The following C1orf21 variants were observed in gnomAD, a reference collection of about 807,000 sequenced individuals.
C1orf21 encodes the protein uncharacterized protein C1orf21.
A neutral mutation model predicts 18.7 loss-of-function variants in C1orf21; 3 were observed. That is an observed-to-expected ratio of 0.16 (90% CI 0.07 to 0.42). The LOEUF (loss-of-function observed/expected upper bound fraction) is 0.42, where lower values mean the gene tolerates loss of function less well. Ranked by LOEUF, C1orf21 falls within the 10% of genes least tolerant of loss-of-function variation. The probability of loss-of-function intolerance (pLI) is 0.99; values close to 1 mark genes in which losing one functional copy is unlikely to be tolerated. For missense variants in C1orf21, 104 were observed against 143.6 expected (o/e 0.72, Z 1.41); for synonymous variants, 41 against 46.4 (o/e 0.88, Z 0.47).
chr1:184,592,630 A>C (rs1162219149), intron 4 of C1orf21, among the ~76,000 whole-genome samples: 1 of 152,224 alleles, frequency 6.6e-6, no homozygotes, highest in Non-Finnish European at 1.5e-5. Context: ...CAGGCACCCC[A>C]ACCCAAAATA....
chr1:184,571,862 C>T (rs1659118197), intron 3 of C1orf21, among the ~76,000 whole-genome samples: 1 of 152,090 alleles, frequency 6.6e-6, no homozygotes, highest in Non-Finnish European at 1.5e-5. Flanking sequence ...TTTCTATCCC[C>T]TCTTGACCAG....
rs562780115 is a variant in C1orf21, at chr1:184,467,532, G to A, written c.-124-9854G>A. ...GCTCAGGGCTGCCTTTGCAGGTGCT[G>A]TACAGGGAGCATGTACTTCTGCTGC... On this transcript the variant is annotated intron_variant, in intron 1 of 5. Coordinates refer to ENST00000235307, the MANE Select transcript of C1orf21 (RefSeq NM_030806.4). 6.6e-5 allele frequency among the ~76,000 whole-genome samples: 10 copies of A among 152,298 alleles called. No homozygotes were observed. In the South Asian group the frequency reaches 2.1e-3, roughly 32 times the overall value.
At chr1:184,491,949 G>C (rs141696328) in intron 2 of C1orf21, among the ~76,000 whole-genome samples, 13 of 152,236 alleles carry the variant, frequency 8.5e-5, no homozygotes, top group Non-Finnish European at 1.3e-4. Flanking sequence ...CTTAGGAAGA[G>C]AAGGAATCAG....
chr1:184,434,084 T>G (rs1342419190), intron 1 of C1orf21, among the ~76,000 whole-genome samples: 2 of 152,144 alleles, frequency 1.3e-5, no homozygotes. Flanking sequence ...TTTTCCAGAC[T>G]CTGGACCCGT....
At chr1:184,404,047 C>A (rs1400879570) in intron 1 of C1orf21, among the ~76,000 whole-genome samples, 2 of 152,152 alleles carry the variant, frequency 1.3e-5, no homozygotes, top group African/African-American at 4.8e-5. Flanking sequence ...CCAGATATAG[C>A]ACCTACATTA....
chr1:184,528,886 C>T (rs1476433185), intron 3 of C1orf21, among the ~76,000 whole-genome samples: 2 of 152,198 alleles, frequency 1.3e-5, no homozygotes, highest in African/African-American at 4.8e-5. Context: ...TTCCCAAATA[C>T]AGCCATTCTC....
chr1:184,586,433 G>A (rs145411716), intron 3 of C1orf21, among the ~76,000 whole-genome samples: 9,291 of 151,688 alleles, frequency 0.061, 393 homozygotes, highest in African/African-American at 0.11. Context: ...ACAGGCGCCC[G>A]CCACCTCGCC....
chr1:184,406,984 T>C (rs1231948938), intron 1 of C1orf21, among the ~76,000 whole-genome samples: 2 of 152,060 alleles, frequency 1.3e-5, no homozygotes, highest in Non-Finnish European at 2.9e-5. Flanking sequence ...TTTGTTTTTC[T>C]AGAGACCGAG....
intron 3 of C1orf21, among the ~76,000 whole-genome samples, chr1:184,545,526 G>T (rs1031772197): frequency 6.6e-6 from 1 of 151,982 alleles, no homozygotes; most frequent in Non-Finnish European, 1.5e-5. Context: ...ACCTAAGTCT[G>T]TACCGATGCT....
At chr1:184,525,235 TAC>T (rs1418205243) in intron 3 of C1orf21, among the ~76,000 whole-genome samples, 1 of 152,110 alleles carries the variant, frequency 6.6e-6, no homozygotes, top group Non-Finnish European at 1.5e-5. Context: ...ATTATTCTCA[TAC>T]CATTGGTTTC....
intron 3 of C1orf21, among the ~76,000 whole-genome samples, chr1:184,560,294 G>A (rs1405867269): frequency 1.3e-5 from 2 of 152,120 alleles, no homozygotes; most frequent in Non-Finnish European, 2.9e-5. Flanking sequence ...GATATTAGAT[G>A]ACTTTGGAGA....
At chr1:184,551,623 G>T (rs997312353) in intron 3 of C1orf21, among the ~76,000 whole-genome samples, 29 of 152,166 alleles carry the variant, frequency 1.9e-4, no homozygotes, top group African/African-American at 5.8e-4. Flanking sequence ...CATCTTTCTG[G>T]TTAGCTGCCC....
At chr1:184,442,722 A>T (rs978527148) in intron 1 of C1orf21, among the ~76,000 whole-genome samples, 3 of 152,220 alleles carry the variant, frequency 2.0e-5, no homozygotes, top group African/African-American at 4.8e-5. Context: ...GATTGCTAGG[A>T]CTAAAGCTCT....
At chr1:184,460,050 C>T (rs943802095) in intron 1 of C1orf21, among the ~76,000 whole-genome samples, 1 of 152,208 alleles carries the variant, frequency 6.6e-6, no homozygotes. Context: ...CACACGGGCT[C>T]CTTCCACACC....
rs548373615 is a variant in C1orf21 at position 184,604,071 on chromosome 1, G to C, written c.327+5610G>C. 1.1e-4 allele frequency among the ~76,000 whole-genome samples: 17 copies of C among 152,340 alleles called. No homozygotes were observed. In the South Asian group the frequency reaches 3.5e-3, roughly 32 times the overall value. On this transcript the variant is annotated intron_variant, in intron 5 of 5. Coordinates refer to ENST00000235307, the MANE Select transcript of C1orf21 (RefSeq NM_030806.4). ...AGACGTTTGCTTTTCATCCAGTGAA[G>C]AGAGTGACTTGCACATAGTTGTGAA...
At chr1:184,584,136 T>C (rs1339660278) in intron 3 of C1orf21, among the ~76,000 whole-genome samples, 19 of 140,584 alleles carry the variant, frequency 1.4e-4, no homozygotes, top group African/African-American at 4.4e-4. Flanking sequence ...TCTTCTTCTT[T>C]TTTTTTTTTT....
intron 1 of C1orf21, among the ~76,000 whole-genome samples, chr1:184,417,820 G>T (rs1450708438): frequency 6.6e-6 from 1 of 152,204 alleles, no homozygotes; most frequent in East Asian, 1.9e-4. Context: ...GTATCTGGTG[G>T]AGAAACCACT....
intron 1 of C1orf21, among the ~76,000 whole-genome samples, chr1:184,413,718 G>A (rs1156941354): frequency 1.3e-5 from 2 of 152,170 alleles, no homozygotes; most frequent in African/African-American, 4.8e-5. Context: ...CAGCTTTGCC[G>A]TTACTCCTGG....
At chr1:184,559,765 A>G (rs1365300361) in intron 3 of C1orf21, among the ~76,000 whole-genome samples, 1 of 151,986 alleles carries the variant, frequency 6.6e-6, no homozygotes, top group African/African-American at 2.4e-5. Flanking sequence ...CTACAGGTGC[A>G]TGCCACCATG....
Sources: allele counts gnomAD v4.1 joint callset (sites outside exome capture counted in the v4.1 genomes callset), GRCh38; gene constraint gnomAD v4.1.1; transcripts MANE v1.5; gene names NCBI Gene and HGNC (gene_info 2026-07-23, HGNC 2026-07-21).